Variants in CRCP observed in about 807,000 individuals in gnomAD.
CRCP encodes the protein DNA-directed RNA polymerase III subunit RPC9.
In CRCP, 18 loss-of-function variants were observed where a neutral mutation model predicts 18.5. The observed-to-expected ratio is 0.97, with a 90% CI of 0.67 to 1.44. The LOEUF (loss-of-function observed/expected upper bound fraction) is 1.44, where lower values mean the gene tolerates loss of function less well. CRCP is among the 40% of genes most tolerant of loss of function. CRCP has a pLI of 0.00. For missense variants in CRCP, 130 were observed against 176.4 expected, an observed-to-expected ratio of 0.74 and a Z score of 1.49; for synonymous variants, 53 against 62.9, an observed-to-expected ratio of 0.84 and a Z score of 0.75.
At chr7:66,132,577 G>T (rs1411501640) in intron 3 of CRCP, among the ~76,000 whole-genome samples, 1 of 152,044 alleles carries the variant, frequency 6.6e-6, no homozygotes, top group South Asian at 2.1e-4. Flanking sequence ...TATCTGCCTG[G>T]TTTCTCCACT....
chr7:66,149,394 C>T (rs906423895), intron 5 of CRCP, among the ~76,000 whole-genome samples: 2 of 152,122 alleles, frequency 1.3e-5, no homozygotes, highest in African/African-American at 4.8e-5. Flanking sequence ...TGGCACATAG[C>T]TATAGTCCCA....
chr7:66,132,859 C>T (rs576577452), intron 3 of CRCP, among the ~76,000 whole-genome samples: 2 of 151,864 alleles, frequency 1.3e-5, no homozygotes, highest in African/African-American at 4.8e-5. Context: ...TGCAGTGAGC[C>T]GAGATTGCGC....
intron 1 of CRCP, among the ~76,000 whole-genome samples, chr7:66,125,069 A>G (rs1787580442): frequency 6.7e-6 from 1 of 149,136 alleles, no homozygotes; most frequent in Non-Finnish European, 1.5e-5. Context: ...TCTAAATTTA[A>G]CCCAGTTGTT....
At chr7:66,117,214 T>C (rs1787296021) in intron 1 of CRCP, among the ~76,000 whole-genome samples, 1 of 151,966 alleles carries the variant, frequency 6.6e-6, no homozygotes, top group African/African-American at 2.4e-5. Flanking sequence ...CAGTGGTTAA[T>C]ACAGAAACTC....
intron 1 of CRCP, among the ~76,000 whole-genome samples, chr7:66,117,667 A>G (rs1459699323): frequency 2.0e-5 from 3 of 152,194 alleles, no homozygotes; most frequent in Non-Finnish European, 2.9e-5. Context: ...TGTTCTCCAC[A>G]TGGCAACTGG....
intron 1 of CRCP, 148 bp downstream of exon 1, chr7:66,115,118 G>T (rs557276702): frequency 8.6e-5 from 101 of 1,176,022 alleles, no homozygotes; most frequent in Non-Finnish European, 1.2e-4. Context: ...GCCGCGGGGT[G>T]GTGACGGGGA....
chr7:66,119,961 T>C (rs1277193184), intron 1 of CRCP, among the ~76,000 whole-genome samples: 1 of 152,040 alleles, frequency 6.6e-6, no homozygotes, highest in African/African-American at 2.4e-5. Context: ...GTGGGGCGGA[T>C]CATGAGGTCA....
intron 5 of CRCP, among the ~76,000 whole-genome samples, chr7:66,148,309 C>T (rs1199765222): frequency 1.3e-5 from 2 of 152,010 alleles, no homozygotes; most frequent in East Asian, 1.9e-4. Flanking sequence ...TTGTAGTGAG[C>T]GAAGTGTAGT....
chr7:66,128,611 G>GGCCTACTTAA (rs1373230788), intron 2 of CRCP: 1 of 152,060 alleles, frequency 6.6e-6, no homozygotes, highest in Non-Finnish European at 1.5e-5. Context: ...CCAACATGGT[G>GGCCTACTTAA]AAACCCCATC....
At chr7:66,125,818 ATT>A (rs1787602850) in intron 1 of CRCP, among the ~76,000 whole-genome samples, 1 of 149,144 alleles carries the variant, frequency 6.7e-6, no homozygotes, top group African/African-American at 2.4e-5. Context: ...GAGAAAAAAC[ATT>A]CATATTTTTT....
At chr7:66,138,309 C>T (rs1487955001) in intron 4 of CRCP, among the ~76,000 whole-genome samples, 1 of 151,980 alleles carries the variant, frequency 6.6e-6, no homozygotes, top group Admixed American at 6.6e-5. Context: ...GAGGCTGAGG[C>T]GGGAAGATCA....
chr7:66,151,673 C>CTCTCTGTGTGTG (rs1484742797), intron 5 of CRCP, among the ~76,000 whole-genome samples: 12 of 138,586 alleles, frequency 8.7e-5, no homozygotes, highest in African/African-American at 3.2e-4. Flanking sequence ...CCACTTCTCT[C>CTCTCTGTGTGTG]TGTGTGTGTG....
chr7:66,134,191 A>G, intron 3 of CRCP, 89 bp from the exon 4 acceptor site: 1 of 1,061,442 alleles, frequency 9.4e-7, no homozygotes, highest in East Asian at 2.4e-5. Context: ...AAATTTTAGA[A>G]TTTTAATTAC....
intron 1 of CRCP, among the ~76,000 whole-genome samples, chr7:66,116,598 C>T (rs989840537): frequency 1.3e-5 from 2 of 152,000 alleles, no homozygotes; most frequent in Non-Finnish European, 2.9e-5. Flanking sequence ...TAGTCCAAGC[C>T]ATCATTACTA....
At chr7:66,122,406 G>T (rs1381477725) in intron 1 of CRCP, among the ~76,000 whole-genome samples, 1 of 148,272 alleles carries the variant, frequency 6.7e-6, no homozygotes, top group East Asian at 2.0e-4. Context: ...GGCACTGTTT[G>T]CATGTGCCAT....
chr7:66,138,031 C>T (rs1432914117), intron 4 of CRCP, among the ~76,000 whole-genome samples: 1 of 152,154 alleles, frequency 6.6e-6, no homozygotes, highest in Non-Finnish European at 1.5e-5. Flanking sequence ...GCCCTGCGTC[C>T]TTTTTATCAT....
chr7:66,117,426 G>A (rs1232161134), intron 1 of CRCP, among the ~76,000 whole-genome samples: 2 of 152,024 alleles, frequency 1.3e-5, no homozygotes, highest in African/African-American at 4.8e-5. Context: ...GTTCTCAAAG[G>A]TATGTTTCTA....
chr7:66,136,656 G>A (rs1787980450), intron 4 of CRCP, among the ~76,000 whole-genome samples: 1 of 151,976 alleles, frequency 6.6e-6, no homozygotes, highest in South Asian at 2.1e-4. Flanking sequence ...GAGCCACCGT[G>A]CCTGGCCTAT....
At chr7:66,144,914 C>T (rs1487505011) in intron 4 of CRCP, among the ~76,000 whole-genome samples, 1 of 152,084 alleles carries the variant, frequency 6.6e-6, no homozygotes, top group Admixed American at 6.6e-5. Flanking sequence ...TTTGGGAGGT[C>T]GAGGCAGGTG....
Sources: allele counts gnomAD v4.1 joint callset (sites outside exome capture counted in the v4.1 genomes callset), GRCh38; gene constraint gnomAD v4.1.1; transcripts MANE v1.5; gene names NCBI Gene and HGNC (gene_info 2026-07-23, HGNC 2026-07-21).